Variants in FAM13A observed in about 807,000 individuals in gnomAD.
FAM13A encodes protein FAM13A.
A neutral mutation model predicts 129.6 loss-of-function variants in FAM13A; 76 were observed. That is an observed-to-expected ratio of 0.59 (90% confidence interval 0.49 to 0.71). FAM13A has a LOEUF of 0.71. FAM13A is among the 30% of genes least tolerant of loss of function. FAM13A has a pLI of 0.00. For missense variants in FAM13A, 1,108 were observed against 1,249.3 expected (o/e 0.89, Z 1.70); for synonymous variants, 443 against 449.9 (o/e 0.98, Z 0.20).
intron 5 of FAM13A, among the ~76,000 whole-genome samples, chr4:88,915,578 G>A (rs1749977811): frequency 6.6e-6 from 1 of 152,080 alleles, no homozygotes; most frequent in Non-Finnish European, 1.5e-5. Context: ...ATTAAAAATT[G>A]CCCTACAGAA....
At chr4:89,020,985 A>AT (rs2149109422) in intron 2 of FAM13A, among the ~76,000 whole-genome samples, 1 of 152,352 alleles carries the variant, frequency 6.6e-6, no homozygotes, top group Admixed American at 6.5e-5. Context: ...TCTAGAGCAC[A>AT]TAACAAAAAC....
intron 5 of FAM13A, among the ~76,000 whole-genome samples, chr4:88,926,551 A>C (rs895248481): frequency 6.6e-6 from 1 of 152,196 alleles, no homozygotes; most frequent in African/African-American, 2.4e-5. Flanking sequence ...TCTGTTAATT[A>C]TTCCTTATAA....
intron 6 of FAM13A, among the ~76,000 whole-genome samples, chr4:88,889,386 A>G (rs1744986049): frequency 6.6e-6 from 1 of 152,132 alleles, no homozygotes; most frequent in South Asian, 2.1e-4. Flanking sequence ...GTACTCATGT[A>G]TTATCAGGAA....
intron 6 of FAM13A, among the ~76,000 whole-genome samples, chr4:88,888,786 A>C (rs1407680076): frequency 6.6e-6 from 1 of 150,928 alleles, no homozygotes; most frequent in Non-Finnish European, 1.5e-5. Flanking sequence ...AAAAAAAAAA[A>C]TTAGCCGGGT....
At chr4:88,996,121 G>A (rs1363471008) in intron 3 of FAM13A, among the ~76,000 whole-genome samples, 2 of 152,196 alleles carry the variant, frequency 1.3e-5, no homozygotes, top group African/African-American at 4.8e-5. Context: ...AAGTGGTGGT[G>A]GGTGGGGTGA....
intron 4 of FAM13A, among the ~76,000 whole-genome samples, chr4:88,949,215 G>T (rs1222698933): frequency 2.0e-5 from 3 of 152,120 alleles, no homozygotes; most frequent in African/African-American, 7.2e-5. Flanking sequence ...TAAATAAAGA[G>T]CAATAAGATA....
chr4:88,836,375 A>G (rs754718672), intron 7 of FAM13A, among the ~76,000 whole-genome samples: 12 of 152,218 alleles, frequency 7.9e-5, no homozygotes, highest in Admixed American at 3.9e-4. Flanking sequence ...GCATAGCAGA[A>G]ATTCTCAAAT....
intron 21 of FAM13A, among the ~76,000 whole-genome samples, chr4:88,734,869 G>C (rs1172224215): frequency 1.3e-5 from 2 of 152,226 alleles, no homozygotes; most frequent in Non-Finnish European, 2.9e-5. Context: ...CAGTTGCATA[G>C]GCAAGAAACT....
At chr4:88,870,121 T>TAAA (rs34310867) in intron 6 of FAM13A, among the ~76,000 whole-genome samples, 3 of 146,980 alleles carry the variant, frequency 2.0e-5, no homozygotes, top group African/African-American at 7.5e-5. Context: ...ATTTCTGTTG[T>TAAA]AAAAAAAAAA....
rs368686318 is a variant in FAM13A at position 88,885,591 on chromosome 4, G to A, written c.843+20788C>T. Among the ~76,000 whole-genome samples the A allele has an allele frequency of 1.1e-4, 16 of 152,272 alleles. No homozygotes were observed. In the East Asian group the frequency reaches 2.1e-3, roughly 20 times the overall value. The stretch of plus-strand genomic sequence containing the variant: ...CACTGGAAAACCCCTTCTAGACATT[G>A]GCTTAGGCAAAGACTTCATGTCCAA... On this transcript the variant is annotated intron_variant, in intron 6 of 23. Coordinates refer to ENST00000264344, the MANE Select transcript of FAM13A (RefSeq NM_014883.4).
Position 88,974,003 on chromosome 4 carries a change from C to T in FAM13A, c.605+16970G>A, listed in dbSNP as rs560610482. Among the ~76,000 whole-genome samples the T allele has an allele frequency of 3.9e-5, 6 of 152,260 alleles. No homozygotes were observed. In the East Asian group the frequency reaches 5.8e-4, roughly 15 times the overall value. On this transcript the variant is annotated intron_variant, in intron 4 of 23. Coordinates refer to ENST00000264344, the MANE Select transcript of FAM13A (RefSeq NM_014883.4). ...TAGGCTCTGGTTAAATAGCTTTCCT[C>T]GAAGGCAACCCTTTAAGAGCAAAAT...
chr4:88,791,729 ATAAT>A (rs1725201486), intron 8 of FAM13A, among the ~76,000 whole-genome samples: 1 of 152,130 alleles, frequency 6.6e-6, no homozygotes, highest in Non-Finnish European at 1.5e-5. Context: ...TTTATACGAT[ATAAT>A]TTTCAACATA....
intron 5 of FAM13A, among the ~76,000 whole-genome samples, chr4:88,918,202 G>A (rs756450673): frequency 6.6e-6 from 1 of 152,156 alleles, no homozygotes; most frequent in Non-Finnish European, 1.5e-5. Context: ...GTGGGCACTC[G>A]AGAAAATTTT....
intron 7 of FAM13A, among the ~76,000 whole-genome samples, chr4:88,809,882 C>T (rs11097198): frequency 0.52 from 75,063 of 145,168 alleles, 19,069 homozygotes; most frequent in East Asian, 0.69. Flanking sequence ...TTTTTTTTTT[C>T]CTGGAAAACA....
intron 11 of FAM13A, among the ~76,000 whole-genome samples, chr4:88,776,145 T>C (rs1721662586): frequency 6.6e-6 from 1 of 152,176 alleles, no homozygotes; most frequent in African/African-American, 2.4e-5. Flanking sequence ...ACAGAACATA[T>C]TTGGAGAGAA....
At chr4:88,735,041 C>T (rs1178921625) in intron 21 of FAM13A, among the ~76,000 whole-genome samples, 1 of 152,064 alleles carries the variant, frequency 6.6e-6, no homozygotes, top group Admixed American at 6.5e-5. Context: ...GCTAGGAGAC[C>T]ACTGAAAGGT....
intron 5 of FAM13A, chr4:88,936,245 G>A (rs958485652): frequency 1.3e-5 from 2 of 152,184 alleles, no homozygotes; most frequent in Admixed American, 1.3e-4. Context: ...GTGTTAGTCT[G>A]TTTGTGTTGC....
rs1724284135 is a variant in FAM13A at position 88,787,840 on chromosome 4, C to T, written c.1184G>A (p.Gly395Glu). Reference protein sequence around the residue: ...GGQSSEDSESGTLSASSATSA... With the variant: ...GGQSSEDSESETLSASSATSA... ...TGTGGCAGAAGATGCTGATAGTGTT[C>T]CAGATTCTGAGTCCTCTGAACTTTG... Residue 395 changes from glycine to glutamate, a missense_variant, in exon 10 of 24, where the codon GGA becomes GAA. By Grantham distance (98) the Gly-to-Glu change is moderately conservative. Coordinates refer to ENST00000264344, the MANE Select transcript of FAM13A (RefSeq NM_014883.4). 1 of 1,613,660 alleles carries T rather than the reference C, an allele frequency of 6.2e-7. No individual in the cohort carries two copies. The highest frequency in any genetic ancestry group is 8.5e-7 in the Non-Finnish European group (1 of 1,179,742).
intron 3 of FAM13A, among the ~76,000 whole-genome samples, chr4:89,013,679 C>T (rs1766051838): frequency 1.3e-5 from 2 of 152,170 alleles, no homozygotes; most frequent in South Asian, 4.1e-4. Flanking sequence ...AACCTACTGG[C>T]TTCCAGTCCT....
Sources: gnomAD v4.1 joint callset for allele counts (sites outside exome capture counted in the v4.1 genomes callset) on GRCh38, gnomAD v4.1.1 for gene constraint, MANE v1.5 for transcripts, NCBI Gene and HGNC (gene_info 2026-07-23, HGNC 2026-07-21) for gene names.